Variants in VSX1 observed in about 807,000 individuals in gnomAD.
VSX1 encodes homeodomain protein RINX.
Under a neutral mutation model 23.6 loss-of-function variants are expected in VSX1, and 23 were observed. That is an observed-to-expected ratio of 0.97 (90% CI 0.70 to 1.38). VSX1 has a LOEUF of 1.38. VSX1 is among the 40% of genes most tolerant of loss of function. VSX1 has a pLI of 0.00. For synonymous variants in VSX1, 247 were observed against 215.1 expected, an observed-to-expected ratio of 1.15 and a Z score of -1.30; for missense variants, 517 against 495.4, an observed-to-expected ratio of 1.04 and a Z score of -0.41.
downstream of VSX1, among the ~76,000 whole-genome samples, chr20:25,074,361 A>T (rs1165410830): frequency 1.3e-5 from 2 of 152,198 alleles, no homozygotes; most frequent in Non-Finnish European, 2.9e-5. Context: ...TGTATACATT[A>T]TAAAATATTA....
chr20:25,078,607 G>C (rs575899417), intron 3 of VSX1: 1 of 1,412,202 alleles, frequency 7.1e-7, no homozygotes, highest in Admixed American at 2.8e-5. Flanking sequence ...ACATTATCAT[G>C]TGATTTTAAA....
Position 25,081,759 on chromosome 20 carries a change from C to A in VSX1, c.338G>T (p.Gly113Val), listed in dbSNP as rs975982695. 4.0e-6 allele frequency: 6 copies of A among 1,499,698 alleles called. No individual in the cohort carries two copies. Among genetic ancestry groups the A allele is most frequent in the Middle Eastern group, 2.4e-4 (1 of 4,224 alleles). The allele number at this position is 1,499,698 out of a possible 1,614,324, so 92.9% of individuals were successfully genotyped here. ...LADVPFLPPRGPEPAAPLAPS... is the reference protein window; with the variant it reads ...LADVPFLPPRVPEPAAPLAPS... ...AGCCAGCGGGGCAGCGGGCTCGGGG[C>A]CCCTGGGCGGCAGGAACGGCACGTC... The change falls in exon 1 of 5, where the codon GGC (glycine) becomes GTC (valine). Residue 113 changes from glycine (G) to valine (V), a missense_variant. Physicochemically the swap from Gly to Val is moderately radical, Grantham distance 109. Coordinates refer to ENST00000376709, the MANE Select transcript of VSX1 (RefSeq NM_014588.6).
chr20:25,077,483 C>A (rs986947566), intron 4 of VSX1, among the ~76,000 whole-genome samples: 1 of 152,222 alleles, frequency 6.6e-6, no homozygotes, highest in Admixed American at 6.5e-5. Context: ...ACAGCCTAGA[C>A]AGTCTCTGTG....
At chr20:25,073,659 G>C (rs572481609), downstream of VSX1, among the ~76,000 whole-genome samples, 53 of 152,352 alleles carry the variant, frequency 3.5e-4, no homozygotes, top group African/African-American at 1.2e-3. Flanking sequence ...TGACCAATGA[G>C]GAGTGAGAGA....
chr20:25,080,592 G>A lies in VSX1; in HGVS notation c.425-1078C>T, dbSNP rs546030734. On this transcript the variant is annotated intron_variant, in intron 1 of 4. Coordinates refer to ENST00000376709, the MANE Select transcript of VSX1 (RefSeq NM_014588.6). ...TTTAATGTGACTGTGAGAAATTTCC[G>A]TCAAACATGAAATCACATTTCATTT... Among the ~76,000 whole-genome samples the A allele has an allele frequency of 1.3e-3, 202 of 152,316 alleles. 2 individuals carry two copies. Among genetic ancestry groups the A allele is most frequent in the South Asian group, 6.4e-3 (31 of 4,824 alleles).
Position 25,075,582 on chromosome 20 carries a change from C to T in VSX1, c.*679G>A, listed in dbSNP as rs1241777388. On this transcript the variant is annotated 3_prime_UTR_variant, in exon 5 of 5. Coordinates refer to ENST00000376709, the MANE Select transcript of VSX1 (RefSeq NM_014588.6). ...GCTTTCAATCACAAATTTTGAAAGA[C>T]CAAAAGCCTGGTCTGACCTAAAAAC... is the stretch of plus-strand genomic sequence containing the variant. 1 of 152,472 alleles carries T rather than the reference C, an allele frequency of 6.6e-6. No individual in the cohort carries two copies. Among genetic ancestry groups the T allele is most frequent in the Non-Finnish European group, 1.5e-5 (1 of 68,034 alleles). The allele number at this position is 152,472 out of a possible 1,614,324, so 9.4% of individuals were successfully genotyped here.
Position 25,081,777 on chromosome 20 carries a change from G to T in VSX1, c.320C>A (p.Pro107Gln), listed in dbSNP as rs1434216272. The T allele has an allele frequency of 3.3e-6, 5 of 1,501,692 alleles. No individual in the cohort carries two copies. Among genetic ancestry groups the T allele is most frequent in the Middle Eastern group, 2.4e-4 (1 of 4,238 alleles). The allele number at this position is 1,501,692 out of a possible 1,614,324, so 93.0% of individuals were successfully genotyped here. Residue 107 changes from proline (P) to glutamine (Q), a missense_variant, in exon 1 of 5, where the codon CCG becomes CAG. Physicochemically the swap from Pro to Gln is moderately conservative, Grantham distance 76 (BLOSUM62 -1). Transcript: ENST00000376709. The part of the protein sequence containing the change: ...RAPCLLLADV[P>Q]FLPPRGPEPA... ...CTCGGGGCCCCTGGGCGGCAGGAAC[G>T]GCACGTCCGCTAGGAGCAGGCAGGG...
At chr20:25,078,036 G>T (rs2089548332) in intron 3 of VSX1, 171 bp from the exon 4 acceptor site, 2 of 856,012 alleles carry the variant, frequency 2.3e-6, no homozygotes, top group African/African-American at 1.7e-5. Context: ...CAGGGAGAGC[G>T]CCCAGGAGCC....
chr20:25,077,701 G>T lies in VSX1; in HGVS notation c.792C>A (p.Cys264Ter), dbSNP rs770572221. ...CTTCCTTACCCAGGAGCCAGGGCGC[G>T]CAGGAGCCCAGCAGGCCGCCCTCGG... ...NSAEGGLLGS[C>*]APWLLGMHKK... The change falls in exon 4 of 5, where the codon TGC becomes TGA. Residue 264 changes from cysteine (C) to a stop codon, truncating the protein, a stop_gained. Coordinates refer to ENST00000376709, the MANE Select transcript of VSX1 (RefSeq NM_014588.6). LOFTEE classifies it low-confidence loss of function (END_TRUNC). The T allele has an allele frequency of 3.2e-6, 5 of 1,548,946 alleles. No homozygotes were observed. The highest frequency in any genetic ancestry group is 4.4e-6 in the Non-Finnish European group (5 of 1,146,774).
chr20:25,079,355 TA>T (rs2089588412), intron 2 of VSX1, 80 bp downstream of exon 2: 1 of 1,417,332 alleles, frequency 7.1e-7, no homozygotes, highest in African/African-American at 1.4e-5. Context: ...TGCCGGGCCA[TA>T]AATTCTCAGA....
chr20:25,077,843 GC>G lies in VSX1; in HGVS notation c.649del (p.Ala217ProfsTer15). On this transcript the variant is annotated frameshift_variant, in exon 4 of 5. Transcript: ENST00000376709. LOFTEE classifies it high-confidence loss of function. ...RIQVWFQNRRAKWRKREKRWG... is the reference protein window; with the variant it reads ...RIQVWFQNRRXKWRKREKRWG... ...GCGCTTCTCCCGCTTGCGCCATTTG[GC>G]CCTGCGGTTTTGAAACCAGACCTGG... 6.4e-7 allele frequency: 1 copy of G among 1,551,968 alleles called. No homozygotes were observed. Among genetic ancestry groups the G allele is most frequent in the East Asian group, 2.4e-5 (1 of 41,086 alleles).
At chr20:25,079,052 A>T in intron 2 of VSX1, 100 bp from the exon 3 acceptor site, 1 of 1,411,868 alleles carries the variant, frequency 7.1e-7, no homozygotes, top group Non-Finnish European at 9.9e-7. Context: ...TGCTGTCCAG[A>T]CCCTAGAAGC....
downstream of VSX1, chr20:25,071,561 C>T (rs1021709678): frequency 2.1e-6 from 1 of 467,222 alleles, no homozygotes; most frequent in Non-Finnish European, 4.2e-6. Flanking sequence ...TGGACAGTTC[C>T]CTTTCAACAG....
At position 25,082,037 on chromosome 20, in the gene VSX1, G is replaced by A. The variant is rs776758064; in HGVS notation, c.60C>T (p.Gly20=). ...GRTSSRALVP[G]GSPRGSRPRG... The stretch of plus-strand genomic sequence containing the variant: ...GGGGGCGCGAGCCCCTAGGGGAACC[G>A]CCAGGCACCAGCGCCCTGCTGCTAG... The change falls in exon 1 of 5, where the codon GGC becomes GGT. Residue 20 remains glycine (G), a synonymous_variant. Transcript: ENST00000376709. 42 of 1,537,322 alleles carry A rather than the reference G, an allele frequency of 2.7e-5. No homozygotes were observed. The highest frequency in any genetic ancestry group is 8.7e-6 in the Non-Finnish European group (10 of 1,147,970).
At chr20:25,072,768 C>T, downstream of VSX1, 1 of 441,438 alleles carries the variant, frequency 2.3e-6, no homozygotes, top group Non-Finnish European at 4.6e-6. Flanking sequence ...ATATCTTGTT[C>T]TTCTATCATT....
chr20:25,080,281 T>A (rs1483700495), intron 1 of VSX1, among the ~76,000 whole-genome samples: 1 of 152,214 alleles, frequency 6.6e-6, no homozygotes. Context: ...AATAACTAAA[T>A]AATACTAGTT....
At chr20:25,071,463 C>T (rs79919027), downstream of VSX1, 2,193 of 453,012 alleles carry the variant, frequency 4.8e-3, 43 homozygotes, top group African/African-American at 0.037. Context: ...AGAGTGAGAC[C>T]CTGCCCTAAC....
downstream of VSX1, chr20:25,072,140 T>A (rs373080117): frequency 3.3e-4 from 193 of 579,192 alleles, 1 homozygote; most frequent in South Asian, 4.0e-3. Context: ...CTGAAACAGA[T>A]GCACACAATT....
chr20:25,081,333 C>T (rs763176777), intron 1 of VSX1: 12 of 565,350 alleles, frequency 2.1e-5, no homozygotes, highest in East Asian at 4.2e-5. Flanking sequence ...CTGCCAGAGG[C>T]GGAGACTGGC....
Sources: gnomAD v4.1 joint callset for allele counts (sites outside exome capture counted in the v4.1 genomes callset) on GRCh38, gnomAD v4.1.1 for gene constraint, MANE v1.5 for transcripts, NCBI Gene and HGNC (gene_info 2026-07-23, HGNC 2026-07-21) for gene names.